PNPLA3: variants seen among roughly 807,000 people sequenced by gnomAD.
PNPLA3 encodes the protein 1-acylglycerol-3-phosphate O-acyltransferase PNPLA3.
A neutral mutation model predicts 43.1 loss-of-function variants in PNPLA3; 42 were observed. The ratio of observed to expected loss-of-function variants is 0.97; its 90% CI spans 0.76 to 1.26. The LOEUF (loss-of-function observed/expected upper bound fraction) is 1.26, where lower values mean the gene tolerates loss of function less well. Ranked by LOEUF, PNPLA3 falls within the 50% of genes most tolerant of loss-of-function variation. The pLI is 0.00. For synonymous variants in PNPLA3, 272 were observed against 253.6 expected, an observed-to-expected ratio of 1.07 and a Z score of -0.69; for missense variants, 647 against 621.4, an observed-to-expected ratio of 1.04 and a Z score of -0.44.
chr22:43,933,064 G>T lies in PNPLA3; in HGVS notation c.673G>T (p.Ala225Ser). ...CTGNLYLLSR[A>S]FVPPDLKVLG... The stretch of plus-strand genomic sequence containing the variant: ...AGGGAACCTCTACCTTCTCTCGAGA[G>T]CTTTTGTCCCCCCGGATCTCAAGGT... Residue 225 changes from alanine to serine, a missense_variant, in exon 4 of 9, where the codon GCT becomes TCT. Transcript: ENST00000216180. 6.2e-7 allele frequency: 1 copy of T among 1,613,956 alleles called. No homozygotes were observed. Among genetic ancestry groups the T allele is most frequent in the Non-Finnish European group, 8.5e-7 (1 of 1,180,044 alleles).
chr22:43,935,997 G>A (rs931237852), intron 5 of PNPLA3, among the ~76,000 whole-genome samples: 4 of 152,174 alleles, frequency 2.6e-5, no homozygotes, highest in African/African-American at 9.7e-5. Flanking sequence ...AAGGAGTCCA[G>A]GGGAATAGGA....
At chr22:43,943,815 GTC>G (rs936094199) in intron 7 of PNPLA3, among the ~76,000 whole-genome samples, 1 of 151,902 alleles carries the variant, frequency 6.6e-6, no homozygotes, top group Non-Finnish European at 1.5e-5. Context: ...TTGAGATGGA[GTC>G]TCTCTGTGTC....
chr22:43,943,588 G>C (rs1044446383), intron 7 of PNPLA3, among the ~76,000 whole-genome samples: 6 of 152,142 alleles, frequency 3.9e-5, no homozygotes, highest in Non-Finnish European at 8.8e-5. Context: ...GTGAGCTCCT[G>C]CTCCTTCCTC....
At chr22:43,924,752 A>G (rs1438592667) in intron 1 of PNPLA3, among the ~76,000 whole-genome samples, 5 of 149,802 alleles carry the variant, frequency 3.3e-5, no homozygotes, top group Non-Finnish European at 1.5e-5. Flanking sequence ...GGTTCACGCC[A>G]TTCTCCTGCC....
At chr22:43,936,999 G>A (rs557667766) in intron 5 of PNPLA3, 52 bp from the exon 6 acceptor site, 17 of 1,488,302 alleles carry the variant, frequency 1.1e-5, no homozygotes, top group Non-Finnish European at 1.4e-5. Flanking sequence ...GGTGGGTAAC[G>A]ACCACCACTC....
intron 2 of PNPLA3, among the ~76,000 whole-genome samples, chr22:43,928,309 C>A (rs891081837): frequency 6.6e-6 from 1 of 152,222 alleles, no homozygotes; most frequent in East Asian, 1.9e-4. Context: ...CTGCTGACTG[C>A]TCTGTAGCAC....
At chr22:43,932,194 T>C (rs192707043) in intron 3 of PNPLA3, among the ~76,000 whole-genome samples, 3 of 152,278 alleles carry the variant, frequency 2.0e-5, no homozygotes, top group Admixed American at 2.0e-4. Flanking sequence ...CCAGCCGAGC[T>C]ATGGGCAATA....
At chr22:43,928,716 G>C in intron 2 of PNPLA3, 108 bp from the exon 3 acceptor site, 1 of 965,816 alleles carries the variant, frequency 1.0e-6, no homozygotes, top group South Asian at 1.3e-5. Flanking sequence ...TCTGTGCAAA[G>C]GGCATTTTCA....
In PNPLA3 at chr22:43,929,302, T is replaced by G. The variant is rs544720211; in HGVS notation, c.486+413T>G. Among the ~76,000 whole-genome samples, 7 of 151,902 alleles carry G rather than the reference T, an allele frequency of 4.6e-5. No individual in the cohort carries two copies. The East Asian group carries it at 1.4e-3, about 30-fold the overall frequency. ...ACCAGCCTGGCCAACAGTGTGAAAC[T>G]CTGTCTCTCCTAAAAATACAAAAAT... On this transcript the variant is annotated intron_variant, in intron 3 of 8. Coordinates refer to ENST00000216180, the MANE Select transcript of PNPLA3 (RefSeq NM_025225.3).
intron 6 of PNPLA3, among the ~76,000 whole-genome samples, chr22:43,938,962 T>C (rs2281293): frequency 0.2 from 31,163 of 152,144 alleles, 3,712 homozygotes; most frequent in East Asian, 0.39. Flanking sequence ...CTCACTCTGT[T>C]GCCCAGGCTG....
chr22:43,940,258 C>T, intron 7 of PNPLA3, 133 bp downstream of exon 7: 1 of 1,113,096 alleles, frequency 9.0e-7, no homozygotes, highest in Non-Finnish European at 1.3e-6. Context: ...AGTCTATGTG[C>T]AATGCCCCTG....
chr22:43,944,311 A>G (rs988841411), intron 7 of PNPLA3, among the ~76,000 whole-genome samples: 4 of 152,124 alleles, frequency 2.6e-5, no homozygotes, highest in African/African-American at 7.2e-5. Flanking sequence ...AGACCTCTCC[A>G]TGGTGCCTCT....
At chr22:43,933,550 G>T (rs2049975466) in intron 4 of PNPLA3, among the ~76,000 whole-genome samples, 2 of 151,764 alleles carry the variant, frequency 1.3e-5, no homozygotes, top group Admixed American at 6.6e-5. Context: ...ACCACACCTG[G>T]CTAATTTTTA....
At chr22:43,928,032 C>T (rs1038585885) in intron 2 of PNPLA3, among the ~76,000 whole-genome samples, 1 of 152,184 alleles carries the variant, frequency 6.6e-6, no homozygotes, top group Non-Finnish European at 1.5e-5. Context: ...GGGAACGTGC[C>T]TTATTTGCCT....
chr22:43,942,147 T>TGCCAAG (rs2050034888), intron 7 of PNPLA3, among the ~76,000 whole-genome samples: 1 of 152,184 alleles, frequency 6.6e-6, no homozygotes, highest in South Asian at 2.1e-4. Flanking sequence ...GTCTTGCCAT[T>TGCCAAG]TGTCCCTGGA....
At position 43,928,896 on chromosome 22, in the gene PNPLA3, C is replaced by A. The variant is rs750880570; in HGVS notation, c.486+7C>A. On this transcript the variant is annotated splice_region_variant and intron_variant, in intron 3 of 8. Coordinates refer to ENST00000216180, the MANE Select transcript of PNPLA3 (RefSeq NM_025225.3). The stretch of plus-strand genomic sequence containing the variant: ...TCCTTCCTTCAGAGGCGTGGTAAGT[C>A]GGCTTTCTCTGCTAGCGCTGAGTCC... 1 of 1,607,818 alleles carries A rather than the reference C, an allele frequency of 6.2e-7. No individual in the cohort carries two copies. Among genetic ancestry groups the A allele is most frequent in the Admixed American group, 1.7e-5 (1 of 59,960 alleles).
At chr22:43,929,168 G>C (rs1446148055) in intron 3 of PNPLA3, among the ~76,000 whole-genome samples, 4 of 152,190 alleles carry the variant, frequency 2.6e-5, no homozygotes, top group African/African-American at 9.7e-5. Context: ...TAGCTTCTCA[G>C]TGATCTAGTT....
chr22:43,927,940 T>C (rs1424849995), intron 2 of PNPLA3, among the ~76,000 whole-genome samples: 3 of 152,208 alleles, frequency 2.0e-5, no homozygotes, highest in Non-Finnish European at 4.4e-5. Context: ...AAGGAACCTG[T>C]CCTGCAGGTG....
intron 5 of PNPLA3, among the ~76,000 whole-genome samples, chr22:43,935,260 CGTT>C (rs1283325960): frequency 6.6e-6 from 1 of 152,078 alleles, no homozygotes; most frequent in Non-Finnish European, 1.5e-5. Context: ...ATGAATTTGT[CGTT>C]GGCCAAGACC....
Sources: gnomAD v4.1 joint callset for allele counts (sites outside exome capture counted in the v4.1 genomes callset) on GRCh38, gnomAD v4.1.1 for gene constraint, MANE v1.5 for transcripts, NCBI Gene and HGNC (gene_info 2026-07-23, HGNC 2026-07-21) for gene names.